NTRK2: variants seen among roughly 807,000 people sequenced by gnomAD.
The protein encoded by NTRK2 is BDNF/NT-3 growth factors receptor.
Under a neutral mutation model 94.5 loss-of-function variants are expected in NTRK2, and 13 were observed. That is an observed-to-expected ratio of 0.14 (90% CI 0.09 to 0.22). The LOEUF (loss-of-function observed/expected upper bound fraction) is 0.22, where lower values mean the gene tolerates loss of function less well. Ranked by LOEUF, NTRK2 falls within the 10% of genes least tolerant of loss-of-function variation. The pLI is 1.00. For synonymous variants in NTRK2, 372 were observed against 407.4 expected (o/e 0.91, Z 1.05); for missense variants, 639 against 1,071.2 (o/e 0.60, Z 5.63).
In NTRK2 at chr9:84,789,490, G is replaced by A. The variant is rs533084572; in HGVS notation, c.1396+37405G>A. Among the ~76,000 whole-genome samples the A allele has an allele frequency of 4.8e-4, 73 of 152,320 alleles. No homozygotes were observed. The South Asian group carries it at 0.015, about 31-fold the overall frequency. ...CCAGCGGAAAACACCGAGGCTCAAG[G>A]TTTGGTTAGCAAAGAAAGACAAGTT... On this transcript the variant is annotated intron_variant, in intron 12 of 18. Coordinates refer to ENST00000277120, the MANE Select transcript of NTRK2 (RefSeq NM_006180.6).
intron 14 of NTRK2, among the ~76,000 whole-genome samples, chr9:84,896,035 C>G (rs770648213): frequency 3.3e-5 from 5 of 152,220 alleles, no homozygotes; most frequent in Admixed American, 6.5e-5. Flanking sequence ...TTCTCCCACT[C>G]TGTCATACAT....
At position 84,983,073 on chromosome 9, in the gene NTRK2, C is replaced by T. The variant is rs552167956; in HGVS notation, c.2172+27556C>T. On this transcript the variant is annotated intron_variant, in intron 17 of 18. Transcript: ENST00000277120. ...CTGAAATAGGTCTTGGTAATGAGAT[C>T]GTTTTGCTGATGCATGAGCTGAGGA... 3.0e-4 allele frequency among the ~76,000 whole-genome samples: 46 copies of T among 152,196 alleles called. 1 individual carries two copies. In the South Asian group the frequency reaches 9.3e-3, roughly 31 times the overall value.
At chr9:84,825,136 T>A (rs186173740) in intron 12 of NTRK2, among the ~76,000 whole-genome samples, 20 of 152,180 alleles carry the variant, frequency 1.3e-4, no homozygotes, top group Admixed American at 1.2e-3. Context: ...TGAATGTGGT[T>A]CCAAAATCAA....
intron 12 of NTRK2, among the ~76,000 whole-genome samples, chr9:84,762,631 G>T (rs946605848): frequency 2.0e-5 from 3 of 152,162 alleles, no homozygotes; most frequent in African/African-American, 7.2e-5. Flanking sequence ...GTCTAGGATT[G>T]GATTGAGAAT....
At chr9:85,019,384 G>GA (rs1406875994) in intron 17 of NTRK2, among the ~76,000 whole-genome samples, 3 of 152,148 alleles carry the variant, frequency 2.0e-5, no homozygotes, top group Non-Finnish European at 4.4e-5. Context: ...TCATGGGTTT[G>GA]AAATCGGGCA....
At chr9:84,874,042 T>C (rs768471377) in intron 14 of NTRK2, 2 of 1,064,054 alleles carry the variant, frequency 1.9e-6, no homozygotes, top group Non-Finnish European at 1.1e-6. Context: ...TCCCAGCAGA[T>C]GGAGGATCCT....
chr9:84,727,446 A>G (rs565315611), intron 8 of NTRK2, among the ~76,000 whole-genome samples: 1 of 152,300 alleles, frequency 6.6e-6, no homozygotes, highest in East Asian at 1.9e-4. Flanking sequence ...AGTAGAACAG[A>G]GAAAGGAGTC....
intron 12 of NTRK2, among the ~76,000 whole-genome samples, chr9:84,773,336 G>A (rs558446997): frequency 1.3e-5 from 2 of 152,268 alleles, no homozygotes; most frequent in South Asian, 4.2e-4. Flanking sequence ...CATTGCCATG[G>A]GGCAGATGGC....
intron 12 of NTRK2, among the ~76,000 whole-genome samples, chr9:84,816,056 T>C (rs2072365449): frequency 1.3e-5 from 2 of 152,140 alleles, no homozygotes; most frequent in Non-Finnish European, 1.5e-5. Flanking sequence ...CAAAGCCCTT[T>C]GGTATTTTAA....
At chr9:84,769,417 C>A (rs975076772) in intron 12 of NTRK2, among the ~76,000 whole-genome samples, 1 of 152,118 alleles carries the variant, frequency 6.6e-6, no homozygotes, top group African/African-American at 2.4e-5. Context: ...GATTTCCTTT[C>A]TATAGATAAA....
chr9:85,022,760 C>A lies in NTRK2; in HGVS notation c.*1323C>A, dbSNP rs1480723109. ...AGGGGAAGCTAATGGAGTTTATTAG[C>A]TGAGTATCAATGTCTCTGCGTTGTA... On this transcript the variant is annotated 3_prime_UTR_variant, in exon 19 of 19. Coordinates refer to ENST00000277120, the MANE Select transcript of NTRK2 (RefSeq NM_006180.6). The A allele has an allele frequency of 1.3e-5, 3 of 233,076 alleles. No homozygotes were observed. The highest frequency in any genetic ancestry group is 1.2e-4 in the East Asian group (2 of 16,574). The allele number at this position is 233,076 out of a possible 1,614,324, so 14.4% of individuals were successfully genotyped here. A position where few individuals can be genotyped will look rare whatever the true frequency, so the allele number is the denominator to read the frequency against.
intron 12 of NTRK2, among the ~76,000 whole-genome samples, chr9:84,816,985 T>C (rs1173460732): frequency 6.6e-6 from 1 of 152,144 alleles, no homozygotes; most frequent in African/African-American, 2.4e-5. Context: ...CAATATAATC[T>C]TGGGAAAGTT....
intron 4 of NTRK2, among the ~76,000 whole-genome samples, chr9:84,706,306 C>T (rs1360185022): frequency 6.6e-6 from 1 of 151,986 alleles, no homozygotes; most frequent in African/African-American, 2.4e-5. Flanking sequence ...CACACACATT[C>T]ATGATTTGTG....
intron 14 of NTRK2, among the ~76,000 whole-genome samples, chr9:84,883,360 A>G (rs976498031): frequency 6.6e-6 from 1 of 152,132 alleles, no homozygotes; most frequent in African/African-American, 2.4e-5. Context: ...TTGCTGATAC[A>G]TGGTTACCCT....
At chr9:84,832,627 G>A (rs1173693160) in intron 12 of NTRK2, among the ~76,000 whole-genome samples, 1 of 152,226 alleles carries the variant, frequency 6.6e-6, no homozygotes. Context: ...ATGCATTAAT[G>A]TCTATGGCTC....
At chr9:84,691,421 A>C (rs2060042113) in intron 2 of NTRK2, among the ~76,000 whole-genome samples, 1 of 152,182 alleles carries the variant, frequency 6.6e-6, no homozygotes, top group Non-Finnish European at 1.5e-5. Context: ...CCATTCCTAC[A>C]TGCCCTTTGC....
intron 12 of NTRK2, among the ~76,000 whole-genome samples, chr9:84,769,144 T>C (rs2132787417): frequency 6.6e-6 from 1 of 152,282 alleles, no homozygotes; most frequent in Non-Finnish European, 1.5e-5. Context: ...GTTCTAGTCT[T>C]CCAGATGTGT....
chr9:84,803,816 A>ATGTATGT (rs2070784850), intron 12 of NTRK2, among the ~76,000 whole-genome samples: 1 of 152,200 alleles, frequency 6.6e-6, no homozygotes, highest in African/African-American at 2.4e-5. Flanking sequence ...ATTCCGGAAT[A>ATGTATGT]CTTGCTGCTT....
rs375893744 is a variant in NTRK2 at position 84,867,296 on chromosome 9, A to C, written c.1498A>C (p.Ile500Leu). 1.2e-6 allele frequency: 2 copies of C among 1,614,100 alleles called. No individual in the cohort carries two copies. The highest frequency in any genetic ancestry group is 1.7e-6 in the Non-Finnish European group (2 of 1,179,968). The change falls in exon 14 of 19, where the codon ATC becomes CTC. Residue 500 changes from isoleucine (I) to leucine (L), a missense_variant. Physicochemically the swap from Ile to Leu is conservative, Grantham distance 5. Coordinates refer to ENST00000277120, the MANE Select transcript of NTRK2 (RefSeq NM_006180.6). ...DDDSASPLHHISNGSNTPSSS... is the reference protein window; with the variant it reads ...DDDSASPLHHLSNGSNTPSSS... ...TGACTCTGCCAGCCCACTCCATCAC[A>C]TCTCCAATGGGAGTAACACTCCATC...
Sources: allele counts gnomAD v4.1 joint callset (sites outside exome capture counted in the v4.1 genomes callset), GRCh38; gene constraint gnomAD v4.1.1; transcripts MANE v1.5; gene names NCBI Gene and HGNC (gene_info 2026-07-23, HGNC 2026-07-21).